LDLRAD3: variants seen among roughly 807,000 people sequenced by gnomAD.
The protein encoded by LDLRAD3 is low-density lipoprotein receptor class A domain-containing protein 3.
A neutral mutation model predicts 29.4 loss-of-function variants in LDLRAD3; 20 were observed. The observed-to-expected ratio is 0.68, with a 90% CI of 0.48 to 0.99. The LOEUF is 0.99. LDLRAD3 is among the 50% of genes least tolerant of loss of function. LDLRAD3 has a pLI of 0.00. For synonymous variants in LDLRAD3, 157 were observed against 192.7 expected (o/e 0.81, Z 1.53); for missense variants, 420 against 454.3 (o/e 0.92, Z 0.69).
intron 4 of LDLRAD3, among the ~76,000 whole-genome samples, chr11:36,199,408 A>G (rs1188826041): frequency 1.3e-5 from 2 of 152,142 alleles, no homozygotes; most frequent in African/African-American, 2.4e-5. Flanking sequence ...AAAAGAAATC[A>G]ATTTCTTTGT....
At chr11:36,029,308 C>T (rs7931043) in intron 1 of LDLRAD3, among the ~76,000 whole-genome samples, 22,443 of 152,064 alleles carry the variant, frequency 0.15, 2,201 homozygotes, top group Non-Finnish European at 0.22. Flanking sequence ...TATGTGTTTC[C>T]GTAGATGTCA....
chr11:36,166,563 T>C (rs967191893), intron 4 of LDLRAD3, among the ~76,000 whole-genome samples: 3 of 152,226 alleles, frequency 2.0e-5, no homozygotes, highest in Non-Finnish European at 4.4e-5. Flanking sequence ...AAGGTGTATA[T>C]TGATTAATAA....
chr11:35,948,817 G>T (rs1245800523), intron 1 of LDLRAD3, among the ~76,000 whole-genome samples: 7 of 152,072 alleles, frequency 4.6e-5, no homozygotes, highest in Admixed American at 3.3e-4. Context: ...GTTCTTTGTT[G>T]TGGGGGTTGT....
chr11:35,984,662 G>T (rs532581181), intron 1 of LDLRAD3, among the ~76,000 whole-genome samples: 1 of 152,100 alleles, frequency 6.6e-6, no homozygotes, highest in Admixed American at 6.6e-5. Context: ...ATGGAGTTTC[G>T]CTCTTGTTGC....
intron 4 of LDLRAD3, among the ~76,000 whole-genome samples, chr11:36,198,770 C>G (rs890802969): frequency 1.1e-4 from 17 of 152,198 alleles, no homozygotes; most frequent in Admixed American, 2.6e-4. Flanking sequence ...GATCCAGAGG[C>G]TTTATGGCTG....
intron 4 of LDLRAD3, among the ~76,000 whole-genome samples, chr11:36,108,242 C>A (rs1443594204): frequency 2.2e-5 from 3 of 137,766 alleles, no homozygotes; most frequent in Non-Finnish European, 1.5e-5. Context: ...ATGGTGTGAA[C>A]CCAGGAGGCA....
At chr11:36,114,733 C>T (rs774177611) in intron 4 of LDLRAD3, among the ~76,000 whole-genome samples, 1 of 152,164 alleles carries the variant, frequency 6.6e-6, no homozygotes, top group Non-Finnish European at 1.5e-5. Flanking sequence ...GCCTTTCTTT[C>T]TGGAAATGTG....
intron 1 of LDLRAD3, among the ~76,000 whole-genome samples, chr11:36,018,560 C>T: frequency 6.6e-6 from 1 of 152,096 alleles, no homozygotes. Context: ...AAAAACCCAG[C>T]CTTTTATGTG....
At chr11:36,156,042 A>T (rs1854345789) in intron 4 of LDLRAD3, among the ~76,000 whole-genome samples, 1 of 152,144 alleles carries the variant, frequency 6.6e-6, no homozygotes, top group Admixed American at 6.5e-5. Flanking sequence ...GCACATTAGA[A>T]TCACCCAGGG....
intron 3 of LDLRAD3, among the ~76,000 whole-genome samples, chr11:36,082,739 T>C (rs2133258405): frequency 6.6e-6 from 1 of 152,324 alleles, no homozygotes; most frequent in Non-Finnish European, 1.5e-5. Flanking sequence ...TAACTACTCC[T>C]TGCCTTGGAT....
At chr11:36,006,490 G>C (rs1029711581) in intron 1 of LDLRAD3, among the ~76,000 whole-genome samples, 1 of 152,200 alleles carries the variant, frequency 6.6e-6, no homozygotes, top group Non-Finnish European at 1.5e-5. Flanking sequence ...GATGTGTGAT[G>C]GTGGTTCACC....
At chr11:36,142,651 G>A (rs890403371) in intron 4 of LDLRAD3, among the ~76,000 whole-genome samples, 1 of 152,030 alleles carries the variant, frequency 6.6e-6, no homozygotes, top group African/African-American at 2.4e-5. Flanking sequence ...GAGGGGCAGT[G>A]GTGCACCCGG....
intron 1 of LDLRAD3, among the ~76,000 whole-genome samples, chr11:36,029,072 G>A (rs1273308610): frequency 5.9e-5 from 9 of 152,128 alleles, no homozygotes; most frequent in Non-Finnish European, 1.2e-4. Context: ...GGGAAACCCC[G>A]TCTCTACTAA....
intron 3 of LDLRAD3, among the ~76,000 whole-genome samples, chr11:36,084,384 T>C (rs1001806494): frequency 3.9e-5 from 6 of 152,084 alleles, no homozygotes; most frequent in Non-Finnish European, 7.4e-5. Flanking sequence ...CTCCAGAGTG[T>C]GAGGTGGGAG....
chr11:35,963,856 G>A (rs189945040), intron 1 of LDLRAD3, among the ~76,000 whole-genome samples: 4 of 152,294 alleles, frequency 2.6e-5, no homozygotes, highest in Admixed American at 2.6e-4. Flanking sequence ...CTGACCTTAA[G>A]TAATGAAGAA....
intron 4 of LDLRAD3, among the ~76,000 whole-genome samples, chr11:36,187,862 G>A (rs993534581): frequency 2.6e-5 from 4 of 152,112 alleles, no homozygotes; most frequent in South Asian, 2.1e-4. Flanking sequence ...CCAAGATAAC[G>A]TTAGATTGAA....
chr11:36,128,068 G>A (rs369772041), intron 4 of LDLRAD3, among the ~76,000 whole-genome samples: 16 of 146,090 alleles, frequency 1.1e-4, no homozygotes, highest in East Asian at 1.1e-3. Context: ...TCAGGTGGCC[G>A]GGAGGTTCAT....
intron 4 of LDLRAD3, among the ~76,000 whole-genome samples, chr11:36,100,032 G>A (rs528482647): frequency 3.9e-5 from 6 of 152,106 alleles, no homozygotes; most frequent in African/African-American, 7.2e-5. Flanking sequence ...TTGTTCAGGC[G>A]CCATTCTAGA....
chr11:36,024,815 G>A (rs976325086), intron 1 of LDLRAD3, among the ~76,000 whole-genome samples: 4 of 152,232 alleles, frequency 2.6e-5, no homozygotes, highest in African/African-American at 4.8e-5. Flanking sequence ...GTTGAGGGGC[G>A]AGGAGGCAGA....
Sources: allele counts gnomAD v4.1 joint callset (sites outside exome capture counted in the v4.1 genomes callset), GRCh38; gene constraint gnomAD v4.1.1; transcripts MANE v1.5; gene names NCBI Gene and HGNC (gene_info 2026-07-23, HGNC 2026-07-21).